Variants in SENP6 observed in about 807,000 individuals in gnomAD.
The protein encoded by SENP6 is SUMO specific peptidase 6, also known as sentrin-specific protease 6.
A neutral mutation model predicts 134.5 loss-of-function variants in SENP6; 41 were observed. The observed-to-expected ratio is 0.30, with a 90% CI of 0.24 to 0.40. SENP6 has a LOEUF of 0.40. Ranked by LOEUF, SENP6 falls within the 10% of genes least tolerant of loss-of-function variation. SENP6 has a pLI of 1.00. For synonymous variants in SENP6, 395 were observed against 429.8 expected, an observed-to-expected ratio of 0.92 and a Z score of 1.00; for missense variants, 1,248 against 1,312.5, an observed-to-expected ratio of 0.95 and a Z score of 0.76.
intron 6 of SENP6, among the ~76,000 whole-genome samples, chr6:75,643,159 G>A (rs2149845357): frequency 6.6e-6 from 1 of 152,104 alleles, no homozygotes; most frequent in African/African-American, 2.4e-5. Context: ...TAGGAGAAAA[G>A]AGGAAACAAA....
intron 20 of SENP6, 66 bp from the exon 21 acceptor site, chr6:75,711,262 T>G: frequency 8.6e-7 from 1 of 1,167,670 alleles, no homozygotes; most frequent in Non-Finnish European, 1.2e-6. Flanking sequence ...CAGTGTGCTA[T>G]TTTGTTAGGT....
At chr6:75,714,171 A>G (rs1189026049) in intron 23 of SENP6, among the ~76,000 whole-genome samples, 1 of 152,124 alleles carries the variant, frequency 6.6e-6, no homozygotes, top group Non-Finnish European at 1.5e-5. Context: ...AGAAGTGTTT[A>G]TATTCACTCT....
rs575069137 is a variant in SENP6, at chr6:75,703,689, G to C, written c.2716+617G>C. Among the ~76,000 whole-genome samples the C allele has an allele frequency of 3.3e-5, 5 of 152,138 alleles. No individual in the cohort carries two copies. The South Asian group carries it at 1.0e-3, about 32-fold the overall frequency. ...AGGAGGGAGGATCGCTTGAGCTCAG[G>C]GTGCTGAAGTTGCAGTGAGTGGAGA... On this transcript the variant is annotated intron_variant, in intron 19 of 23. Transcript: ENST00000447266.
chr6:75,655,692 T>G (rs1771267584), intron 7 of SENP6, among the ~76,000 whole-genome samples: 1 of 152,274 alleles, frequency 6.6e-6, no homozygotes, highest in African/African-American at 2.4e-5. Context: ...TCGATTTTCC[T>G]GATAATCGAT....
chr6:75,695,619 C>T (rs890709877), intron 16 of SENP6, among the ~76,000 whole-genome samples, 185 bp from the exon 17 acceptor site: 1 of 152,134 alleles, frequency 6.6e-6, no homozygotes, highest in African/African-American at 2.4e-5. Context: ...TGCCTGTAAT[C>T]CCAGCTACTT....
intron 6 of SENP6, 164 bp from the exon 7 acceptor site, chr6:75,647,567 G>T: frequency 2.6e-6 from 1 of 380,920 alleles, no homozygotes; most frequent in Non-Finnish European, 4.8e-6. Flanking sequence ...TACAAATTGA[G>T]TTTCATTTAT....
intron 13 of SENP6, 51 bp downstream of exon 13, chr6:75,676,105 C>G: frequency 7.8e-7 from 1 of 1,283,130 alleles, no homozygotes; most frequent in Non-Finnish European, 1.0e-6. Context: ...ACTGTATTTA[C>G]AATATCTGTT....
intron 16 of SENP6, 86 bp from the exon 17 acceptor site, chr6:75,695,718 C>A (rs561559020): frequency 1.8e-6 from 2 of 1,132,002 alleles, no homozygotes; most frequent in East Asian, 5.8e-5. Flanking sequence ...GCCTGGGCAA[C>A]AGAGTGAGAC....
chr6:75,672,593 A>G (rs766704617), intron 11 of SENP6, among the ~76,000 whole-genome samples: 1 of 152,214 alleles, frequency 6.6e-6, no homozygotes, highest in African/African-American at 2.4e-5. Flanking sequence ...GTGGATCTGT[A>G]TCTTCTTCAG....
chr6:75,672,201 C>T (rs1480865249), intron 11 of SENP6, among the ~76,000 whole-genome samples: 1 of 152,152 alleles, frequency 6.6e-6, no homozygotes, highest in African/African-American at 2.4e-5. Context: ...CAGGAGTGCC[C>T]TGTAACTTTT....
At position 75,717,121 on chromosome 6, in the gene SENP6, A is replaced by G. The variant is rs534205943; in HGVS notation, c.*1527A>G. On this transcript the variant is annotated 3_prime_UTR_variant, in exon 24 of 24. Transcript: ENST00000447266. ...AGTAATAACTTAGAGCTGTTAGCTC[A>G]GATATCTTAATTAGCTCATATGAAA... The G allele has an allele frequency of 1.3e-5, 2 of 152,066 alleles. No individual in the cohort carries two copies. Among genetic ancestry groups the G allele is most frequent in the Admixed American group, 6.5e-5 (1 of 15,274 alleles). 9.4% of individuals were successfully genotyped at this position (152,066 alleles called of 1,614,324 possible). A position where few individuals can be genotyped will look rare whatever the true frequency, so the allele number is the denominator to read the frequency against.
chr6:75,652,140 G>C lies in SENP6; in HGVS notation c.550+4339G>C, dbSNP rs143513202. On this transcript the variant is annotated intron_variant, in intron 7 of 23. Transcript: ENST00000447266. ...TGCAGTGAGCCACAATCGCGCCACTGTCCTCCAACCTGGGCAACAGAGTGA... is the reference window on the plus strand; with the variant it reads ...TGCAGTGAGCCACAATCGCGCCACTCTCCTCCAACCTGGGCAACAGAGTGA... 4.7e-3 allele frequency among the ~76,000 whole-genome samples: 709 copies of C among 152,046 alleles called. 5 individuals are homozygous for C. Among genetic ancestry groups the C allele is most frequent in the South Asian group, 0.046 (219 of 4,800 alleles).
In SENP6 at chr6:75,683,951, G is replaced by C. The variant is rs562216008; in HGVS notation, c.2075+5024G>C. 2.5e-4 allele frequency among the ~76,000 whole-genome samples: 38 copies of C among 152,298 alleles called. No homozygotes were observed. The East Asian group carries it at 6.9e-3, about 28-fold the overall frequency. ...CTGTGAAGAAAGTCACTGGTAGCTT[G>C]ATGGGGATGACATTGAATCTATACA... On this transcript the variant is annotated intron_variant, in intron 16 of 23. Transcript: ENST00000447266.
In SENP6 at chr6:75,673,996, G is replaced by A. The variant is rs1481819727; in HGVS notation, c.1393-1439G>A. Among the ~76,000 whole-genome samples the A allele has an allele frequency of 3.9e-5, 6 of 151,976 alleles. No homozygotes were observed. The South Asian group carries it at 6.2e-4, about 16-fold the overall frequency. ...AGATTGTGCCACTGCCTTCCAGCTC[G>A]GGTGACAGAGTGAGACTCATTCTCA... On this transcript the variant is annotated intron_variant, in intron 11 of 23. Transcript: ENST00000447266.
At chr6:75,691,992 G>A (rs1286014929) in intron 16 of SENP6, among the ~76,000 whole-genome samples, 1 of 152,114 alleles carries the variant, frequency 6.6e-6, no homozygotes, top group Non-Finnish European at 1.5e-5. Context: ...GAGTAGCTGG[G>A]ATTACAGGCA....
At chr6:75,669,419 A>G (rs998309208) in intron 10 of SENP6, among the ~76,000 whole-genome samples, 1 of 152,226 alleles carries the variant, frequency 6.6e-6, no homozygotes, top group Non-Finnish European at 1.5e-5. Context: ...AAAGCAGTTT[A>G]CAAAATCATA....
chr6:75,625,609 C>T (rs1768623036), intron 3 of SENP6, among the ~76,000 whole-genome samples: 1 of 152,144 alleles, frequency 6.6e-6, no homozygotes. Flanking sequence ...TGGCTTATGC[C>T]AGTAATCCCA....
chr6:75,624,065 C>G, intron 3 of SENP6, 105 bp downstream of exon 3: 1 of 826,812 alleles, frequency 1.2e-6, no homozygotes, highest in Non-Finnish European at 1.9e-6. Flanking sequence ...TACCCACTTT[C>G]TCCACTCCAG....
At chr6:75,624,050 C>A in intron 3 of SENP6, 90 bp downstream of exon 3, 1 of 1,014,412 alleles carries the variant, frequency 9.9e-7, no homozygotes. Context: ...ATTATAAACC[C>A]CAGTTACCCA....
Sources: allele counts gnomAD v4.1 joint callset (sites outside exome capture counted in the v4.1 genomes callset), GRCh38; gene constraint gnomAD v4.1.1; transcripts MANE v1.5; gene names NCBI Gene and HGNC (gene_info 2026-07-23, HGNC 2026-07-21).